FLNC: variants seen among roughly 807,000 people sequenced by gnomAD.
FLNC encodes the protein filamin C, also known as filamin-C.
Under a neutral mutation model 254.3 loss-of-function variants are expected in FLNC, and 91 were observed. That is an observed-to-expected ratio of 0.36 (90% confidence interval 0.30 to 0.43). The LOEUF (loss-of-function observed/expected upper bound fraction) is 0.43, where lower values mean the gene tolerates loss of function less well. Ranked by LOEUF, FLNC falls within the 20% of genes least tolerant of loss-of-function variation. The pLI, the probability that FLNC is intolerant of heterozygous loss-of-function variation, is 1.00. For synonymous variants in FLNC, 1,430 were observed against 1,577.2 expected (o/e 0.91, Z 2.21); for missense variants, 2,853 against 3,802.6 (o/e 0.75, Z 6.57).
chr7:128,853,130 C>A, intron 37 of FLNC, 99 bp downstream of exon 37: 2 of 1,196,990 alleles, frequency 1.7e-6, no homozygotes, highest in Non-Finnish European at 2.4e-6. Context: ...TCTCTCCTCC[C>A]TGAAACTTCC....
At position 128,850,913 on chromosome 7, in the gene FLNC, G is replaced by C. The variant is rs1131691565; in HGVS notation, c.5509G>C (p.Gly1837Arg). 1.2e-6 allele frequency: 2 copies of C among 1,613,744 alleles called. No homozygotes were observed. Among genetic ancestry groups the C allele is most frequent in the Non-Finnish European group, 1.7e-6 (2 of 1,179,994 alleles). ...CACTGAGAAAGGCCTGCACCAGATG[G>C]GGATCAAGTATGACGGCAACCACAT... ...APTEKGLHQM[G>R]IKYDGNHIPG... The change falls in exon 33 of 48, where the codon GGG becomes CGG. Residue 1837 changes from glycine to arginine, a missense_variant. Physicochemically the swap from Gly to Arg is moderately radical, Grantham distance 125. This residue lies in a region of FLNC where 258 missense variants were observed against 312.3 expected (regional missense o/e 0.83). Transcript: ENST00000325888.
In FLNC at chr7:128,850,051, C is replaced by T. The variant is rs892618706; in HGVS notation, c.5275C>T (p.Pro1759Ser). 4.5e-6 allele frequency: 7 copies of T among 1,543,482 alleles called. No individual in the cohort carries two copies. The highest frequency in any genetic ancestry group is 6.1e-6 in the Non-Finnish European group (7 of 1,149,864). Residue 1759 changes from proline to serine, a missense_variant, in exon 31 of 48, where the codon CCC becomes TCC. Pro to Ser is a moderately conservative substitution (Grantham distance 74, BLOSUM62 -1). This residue lies in a region of FLNC where 258 missense variants were observed against 312.3 expected (regional missense o/e 0.83). Transcript: ENST00000325888. ...GCGCCAGCCCTACGCTCCTCCCCGGCCCGGCGCCCGCCCCACACACTGGGT... is the reference window on the plus strand; with the variant it reads ...GCGCCAGCCCTACGCTCCTCCCCGGTCCGGCGCCCGCCCCACACACTGGGT... ...QLRQPYAPPR[P>S]GARPTHWATE...
intron 20 of FLNC, 119 bp downstream of exon 20, chr7:128,844,385 T>A: frequency 7.7e-7 from 1 of 1,299,602 alleles, no homozygotes; most frequent in Non-Finnish European, 1.0e-6. Context: ...GCCAAGGGTG[T>A]GGGGCTGAGG....
At chr7:128,851,849 T>G (rs544383279) in intron 35 of FLNC, among the ~76,000 whole-genome samples, 1 of 152,382 alleles carries the variant, frequency 6.6e-6, no homozygotes, top group East Asian at 1.9e-4. Context: ...TTGCCTCATT[T>G]AGTCTTTGAA....
intron 8 of FLNC, 108 bp from the exon 9 acceptor site, chr7:128,839,915 G>A (rs1459304482): frequency 3.9e-5 from 56 of 1,420,350 alleles, no homozygotes; most frequent in Non-Finnish European, 4.9e-5. Context: ...AGGGCCGTGG[G>A]CCACTGCCTG....
Position 128,835,639 on chromosome 7 carries a change from G to C in FLNC, c.601+65G>C. ...CCAAAGACAGAGGGGACAAGCTGGG[G>C]CTGCCAAGGCGTGTGGTTGTCAGAA... is the stretch of plus-strand genomic sequence containing the variant. On this transcript the variant is annotated intron_variant, in intron 2 of 47. Coordinates refer to ENST00000325888, the MANE Select transcript of FLNC (RefSeq NM_001458.5). The surrounding 1 kb of genome is among the most constrained non-coding windows in gnomAD (Gnocchi z 5.3). The C allele has an allele frequency of 6.4e-6, 10 of 1,569,800 alleles. No homozygotes were observed. The highest frequency in any genetic ancestry group is 8.7e-6 in the Non-Finnish European group (10 of 1,149,350).
In FLNC at chr7:128,851,366, G is replaced by A. The variant is rs773119692; in HGVS notation, c.5668+6G>A. 2 of 1,614,092 alleles carry A rather than the reference G, an allele frequency of 1.2e-6. No homozygotes were observed. Among genetic ancestry groups the A allele is most frequent in the African/African-American group, 1.3e-5 (1 of 75,064 alleles). On this transcript the variant is annotated splice_donor_region_variant and intron_variant, in intron 34 of 47. Coordinates refer to ENST00000325888, the MANE Select transcript of FLNC (RefSeq NM_001458.5). ...CACCAAAGATGCTGGAGAAGGTGAG[G>A]GAGCTGCAGGTCGCAGGCTGGGGTG...
At position 128,835,001 on chromosome 7, in the gene FLNC, T is replaced by C. The variant is rs1194867420; in HGVS notation, c.353-325T>C. Among the ~76,000 whole-genome samples the C allele has an allele frequency of 6.6e-6, 1 of 152,170 alleles. No homozygotes were observed. Among genetic ancestry groups the C allele is most frequent in the Admixed American group, 6.5e-5 (1 of 15,276 alleles). ...AGAACTGTTAACAAAACAAAAAGGC[T>C]CTGCCCTGGGAGCCTTACAATCCCA... On this transcript the variant is annotated intron_variant, in intron 1 of 47. Transcript: ENST00000325888. The surrounding 1 kb of genome is among the most constrained non-coding windows in gnomAD (Gnocchi z 5.3).
chr7:128,841,006 G>A lies in FLNC; in HGVS notation c.1813+36G>A, dbSNP rs142756348. The A allele has an allele frequency of 7.9e-3, 12,407 of 1,573,812 alleles. 61 individuals are homozygous for A. The highest frequency in any genetic ancestry group is 0.011 in the Middle Eastern group (63 of 5,626). On this transcript the variant is annotated intron_variant, in intron 11 of 47. Transcript: ENST00000325888. This position sits in a 1 kb window ranked among gnomAD's most constrained non-coding sequence, Gnocchi z 4.3. ...GGGGGGCAGGAGGAGGGAGTGCTGC[G>A]GGGGAGGGCAGCAGGGGACACTGTG...
In FLNC at chr7:128,858,348, T is replaced by C. The variant is rs200502811; in HGVS notation, c.8003T>C (p.Met2668Thr). The change falls in exon 48 of 48, where the codon ATG becomes ACG. Residue 2668 changes from methionine (M) to threonine (T), a missense_variant. By Grantham distance (81) the Met-to-Thr change is moderately conservative. Coordinates refer to ENST00000325888, the MANE Select transcript of FLNC (RefSeq NM_001458.5). The surrounding 1 kb of genome is among the most constrained non-coding windows in gnomAD (Gnocchi z 6.7). The stretch of plus-strand genomic sequence containing the variant: ...CCTCCCTCTCCAGGCACCAACATGA[T>C]GATGGTGGGCGTGCACGGCCCCAAG... ...VDCSKAGTNM[M>T]MVGVHGPKTP... 767 of 1,550,734 alleles carry C rather than the reference T, an allele frequency of 4.9e-4. 1 individual carries two copies. In the African/African-American group the frequency reaches 9.8e-3, roughly 20 times the overall value.
In FLNC at chr7:128,856,736, T is replaced by A; in HGVS notation, c.7385-9T>A. On this transcript the variant is annotated splice_polypyrimidine_tract_variant and intron_variant, in intron 44 of 47. Coordinates refer to ENST00000325888, the MANE Select transcript of FLNC (RefSeq NM_001458.5). The surrounding 1 kb of genome is among the most constrained non-coding windows in gnomAD (Gnocchi z 5.9). ...GATGGAGGCTAAGCCACCAACCCTTTATCCACAGACAAGCACACCATCCGC... is the reference window on the plus strand; with the variant it reads ...GATGGAGGCTAAGCCACCAACCCTTAATCCACAGACAAGCACACCATCCGC... The A allele has an allele frequency of 1.2e-6, 2 of 1,614,126 alleles. No individual in the cohort carries two copies. Among genetic ancestry groups the A allele is most frequent in the Non-Finnish European group, 1.7e-6 (2 of 1,180,024 alleles).
intron 1 of FLNC, 28 bp downstream of exon 1, chr7:128,831,017 G>C (rs773611547): frequency 3.7e-5 from 59 of 1,595,544 alleles, no homozygotes; most frequent in Non-Finnish European, 4.9e-5. Context: ...GGGCACGGGC[G>C]CTGCGGGGAT....
At position 128,847,871 on chromosome 7, in the gene FLNC, A is replaced by C. The variant is rs1296523407; in HGVS notation, c.4456+7A>C. 1 of 1,613,838 alleles carries C rather than the reference A, an allele frequency of 6.2e-7. No individual in the cohort carries two copies. The highest frequency in any genetic ancestry group is 1.3e-5 in the African/African-American group (1 of 75,028). ...GCTGTGCTGGGCCCCACAGGTATAG[A>C]ATGGCCGGGGCAGGGAGGAGGGAGG... On this transcript the variant is annotated splice_region_variant and intron_variant, in intron 25 of 47. Transcript: ENST00000325888.
intron 30 of FLNC, 63 bp downstream of exon 30, chr7:128,849,641 C>T: frequency 6.3e-7 from 1 of 1,584,020 alleles, no homozygotes; most frequent in Non-Finnish European, 8.6e-7. Flanking sequence ...CTTTTAGCAG[C>T]AGCAGGGATC....
In FLNC at chr7:128,840,838, T is replaced by C; in HGVS notation, c.1681T>C (p.Phe561Leu). Residue 561 changes from phenylalanine to leucine, a missense_variant, in exon 11 of 48, where the codon TTT (phenylalanine) becomes CTT (leucine). By Grantham distance (22) the Phe-to-Leu change is conservative. Coordinates refer to ENST00000325888, the MANE Select transcript of FLNC (RefSeq NM_001458.5). ...WGGYAIPRSPFEVQVSPEAGV... is the reference protein window; with the variant it reads ...WGGYAIPRSPLEVQVSPEAGV... ...ACCAGCTCCCTCTCTGCCCAGCCCC[T>C]TTGAGGTACAGGTGAGCCCAGAGGC... 2 of 1,613,656 alleles carry C rather than the reference T, an allele frequency of 1.2e-6. No individual in the cohort carries two copies. Among genetic ancestry groups the C allele is most frequent in the Non-Finnish European group, 1.7e-6 (2 of 1,179,850 alleles).
At chr7:128,833,250 GGA>G (rs898032468) in intron 1 of FLNC, among the ~76,000 whole-genome samples, 16 of 152,348 alleles carry the variant, frequency 1.1e-4, no homozygotes, top group African/African-American at 3.8e-4. Flanking sequence ...AACAACCAAG[GGA>G]GGGGCGGGAG....
chr7:128,845,854 G>GGAGAGGAGGGT, intron 21 of FLNC, 136 bp from the exon 22 acceptor site: 1 of 781,886 alleles, frequency 1.3e-6, no homozygotes, highest in Non-Finnish European at 2.1e-6. Context: ...GAGAGGAGGG[G>GGAGAGGAGGGT]GAGAGGAGGG....
Position 128,846,181 on chromosome 7 carries a change from AGGCTAGTG to A in FLNC, c.3964+22_3964+29del. ...CGAGGAGGGTGAGGGCCGGTGGGCC[AGGCTAGTG>A]GGCAGGGCTGGGCAAGTGGGCAGGG... is the stretch of plus-strand genomic sequence containing the variant. On this transcript the variant is annotated intron_variant, in intron 22 of 47. Transcript: ENST00000325888. The A allele has an allele frequency of 6.5e-7, 1 of 1,533,056 alleles. No homozygotes were observed. Among genetic ancestry groups the A allele is most frequent in the East Asian group, 2.8e-5 (1 of 35,604 alleles). 95.0% of individuals were successfully genotyped at this position (1,533,056 alleles called of 1,614,324 possible). A position where few individuals can be genotyped will look rare whatever the true frequency, so the allele number is the denominator to read the frequency against.
intron 28 of FLNC, 52 bp downstream of exon 28, chr7:128,849,034 C>G: frequency 6.3e-7 from 1 of 1,599,320 alleles, no homozygotes; most frequent in East Asian, 2.2e-5. Flanking sequence ...CCCCTCAAAG[C>G]CCCTCCAGAA....
Sources: allele counts gnomAD v4.1 joint callset (sites outside exome capture counted in the v4.1 genomes callset), GRCh38; gene constraint gnomAD v4.1.1; regional missense constraint gnomAD v4.1.1; non-coding constraint Gnocchi (gnomAD v3.1); transcripts MANE v1.5; gene names NCBI Gene and HGNC (gene_info 2026-07-23, HGNC 2026-07-21).